LRRC3B: variants seen among roughly 807,000 people sequenced by gnomAD.
The protein encoded by LRRC3B is leucine rich repeat containing 3B.
In LRRC3B, 2 loss-of-function variants were observed where a neutral mutation model predicts 12.8. The observed-to-expected ratio is 0.16, with a 90% CI of 0.06 to 0.49. LRRC3B has a LOEUF of 0.49. LRRC3B is among the 20% of genes least tolerant of loss of function. LRRC3B has a pLI of 0.96. For missense variants in LRRC3B, 189 were observed against 319.4 expected (o/e 0.59, Z 3.11); for synonymous variants, 132 against 122.0 (o/e 1.08, Z -0.54).
chr3:26,637,159 G>A (rs914227623), intron 1 of LRRC3B, among the ~76,000 whole-genome samples: 1 of 151,510 alleles, frequency 6.6e-6, no homozygotes, highest in African/African-American at 2.4e-5. Flanking sequence ...ACCATGCCCA[G>A]CTAATTTTTT....
chr3:26,671,558 A>AT (rs1187345847), intron 1 of LRRC3B, among the ~76,000 whole-genome samples: 1 of 148,980 alleles, frequency 6.7e-6, no homozygotes, highest in Non-Finnish European at 1.5e-5. Context: ...AGCCCAGCTA[A>AT]TTTTTTTGTA....
intron 1 of LRRC3B, among the ~76,000 whole-genome samples, chr3:26,642,484 C>T (rs1315167359): frequency 6.6e-6 from 1 of 152,178 alleles, no homozygotes; most frequent in African/African-American, 2.4e-5. Context: ...AGCCAGAGAA[C>T]TTCATAACCC....
intron 1 of LRRC3B, among the ~76,000 whole-genome samples, chr3:26,695,095 C>T (rs917202720): frequency 3.9e-5 from 6 of 152,094 alleles, no homozygotes; most frequent in Non-Finnish European, 7.4e-5. Context: ...TGGGATTACA[C>T]ATTCAAATTT....
Position 26,650,826 on chromosome 3 carries a change from A to T in LRRC3B, c.-161+27589A>T, listed in dbSNP as rs190383185. Among the ~76,000 whole-genome samples, 17 of 152,270 alleles carry T rather than the reference A, an allele frequency of 1.1e-4. No individual in the cohort carries two copies. In the East Asian group the frequency reaches 3.3e-3, roughly 29 times the overall value. ...ACACAAGACTTCCGTTATCTACTCG[A>T]CGGTAAGTGCATAACAGTTCCAGAT... On this transcript the variant is annotated intron_variant, in intron 1 of 1. Transcript: ENST00000396641.
chr3:26,695,256 G>A (rs771250703), intron 1 of LRRC3B, among the ~76,000 whole-genome samples: 38 of 152,164 alleles, frequency 2.5e-4, no homozygotes, highest in Non-Finnish European at 4.7e-4. Context: ...AGCTGGGCAT[G>A]GTGGCTCACG....
At chr3:26,653,841 C>T (rs1453745407) in intron 1 of LRRC3B, among the ~76,000 whole-genome samples, 3 of 152,240 alleles carry the variant, frequency 2.0e-5, no homozygotes, top group South Asian at 2.1e-4. Context: ...ACAAAGATAC[C>T]TTATTGAAAA....
chr3:26,657,935 G>A (rs1001244150), intron 1 of LRRC3B, among the ~76,000 whole-genome samples: 7 of 152,178 alleles, frequency 4.6e-5, no homozygotes, highest in Admixed American at 2.0e-4. Context: ...AGAGATATAA[G>A]AGAAAATCAG....
intron 1 of LRRC3B, among the ~76,000 whole-genome samples, chr3:26,696,012 C>A (rs546167386): frequency 7.9e-5 from 12 of 152,284 alleles, no homozygotes; most frequent in African/African-American, 2.9e-4. Context: ...TCAGCTGGCT[C>A]GTTCAATGAT....
Position 26,671,350 on chromosome 3 carries a change from G to GTA in LRRC3B, c.-160-38140_-160-38139dup, listed in dbSNP as rs1161960755. ...TATAAATGTGTGTGTATATATGTGTGTATATATATATATATATATATATAG... is the reference window on the plus strand; with the variant it reads ...TATAAATGTGTGTGTATATATGTGTGTATATATATATATATATATATATATAG... On this transcript the variant is annotated intron_variant, in intron 1 of 1. Transcript: ENST00000396641. Among the ~76,000 whole-genome samples the GTA allele has an allele frequency of 8.7e-3, 491 of 56,656 alleles. 19 individuals are homozygous for GTA. The highest frequency in any genetic ancestry group is 0.032 in the Middle Eastern group (2 of 62). The allele number at this position is 56,656 out of a possible 152,430, so 37.2% of individuals were successfully genotyped here.
Position 26,644,556 on chromosome 3 carries a change from CA to C in LRRC3B, c.-161+21320del, listed in dbSNP as rs1469770243. Reference sequence around the variant, plus strand: ...ACGAAAATGTCAGTGTCATAAAGGACAGGGTAAAAAACCATGCTGGAGAACA... The same window carrying C: ...ACGAAAATGTCAGTGTCATAAAGGACGGGTAAAAAACCATGCTGGAGAACA... On this transcript the variant is annotated intron_variant, in intron 1 of 1. Coordinates refer to ENST00000396641, the Ensembl canonical transcript of LRRC3B. Among the ~76,000 whole-genome samples, 16 of 152,144 alleles carry C rather than the reference CA, an allele frequency of 1.1e-4. No homozygotes were observed. The East Asian group carries it at 2.5e-3, about 24-fold the overall frequency.
At chr3:26,705,190 T>C (rs1003201256) in intron 1 of LRRC3B, among the ~76,000 whole-genome samples, 6 of 152,198 alleles carry the variant, frequency 3.9e-5, no homozygotes, top group African/African-American at 1.2e-4. Flanking sequence ...CTGGTTTTTT[T>C]CTTCTGGAAA....
At chr3:26,639,413 A>T (rs1215229125) in intron 1 of LRRC3B, among the ~76,000 whole-genome samples, 2 of 152,106 alleles carry the variant, frequency 1.3e-5, no homozygotes, top group East Asian at 3.8e-4. Context: ...AGTTGAAAAA[A>T]ACAGGTTCAT....
At chr3:26,640,042 A>G (rs184031184) in intron 1 of LRRC3B, among the ~76,000 whole-genome samples, 107 of 152,280 alleles carry the variant, frequency 7.0e-4, no homozygotes, top group African/African-American at 2.5e-3. Context: ...TCCTTGCTCC[A>G]AGCCCCACAA....
chr3:26,641,471 T>C (rs933348357), intron 1 of LRRC3B, among the ~76,000 whole-genome samples: 2 of 152,200 alleles, frequency 1.3e-5, no homozygotes, highest in Non-Finnish European at 2.9e-5. Flanking sequence ...GATGACTTTT[T>C]TCATGGCCAA....
At chr3:26,671,362 A>G (rs1490482617) in intron 1 of LRRC3B, among the ~76,000 whole-genome samples, 2 of 77,950 alleles carry the variant, frequency 2.6e-5, no homozygotes, top group South Asian at 5.3e-4. Context: ...ATATATATAT[A>G]TATATATATA....
chr3:26,666,374 C>T (rs894396409), intron 1 of LRRC3B, among the ~76,000 whole-genome samples: 6 of 151,820 alleles, frequency 4.0e-5, no homozygotes, highest in Non-Finnish European at 7.4e-5. Context: ...AGAAGAAGTA[C>T]ATGTGAAAGA....
intron 1 of LRRC3B, among the ~76,000 whole-genome samples, chr3:26,662,917 G>A (rs1699523070): frequency 6.6e-6 from 1 of 152,092 alleles, no homozygotes; most frequent in Admixed American, 6.6e-5. Context: ...GTCAAATGGA[G>A]GATGAGGAAG....
chr3:26,650,946 G>A (rs150055915), intron 1 of LRRC3B, among the ~76,000 whole-genome samples: 120 of 152,274 alleles, frequency 7.9e-4, no homozygotes, highest in African/African-American at 2.8e-3. Context: ...AACGTGGAGA[G>A]CACAGAGATT....
intron 1 of LRRC3B, among the ~76,000 whole-genome samples, chr3:26,634,801 C>A (rs1698831261): frequency 6.6e-6 from 1 of 152,136 alleles, no homozygotes; most frequent in Admixed American, 6.5e-5. Context: ...AGGGGCTGAG[C>A]TTGGTGGATG....
Sources: gnomAD v4.1 joint callset for allele counts (sites outside exome capture counted in the v4.1 genomes callset) on GRCh38, gnomAD v4.1.1 for gene constraint, MANE v1.5 for transcripts, NCBI Gene and HGNC (gene_info 2026-07-23, HGNC 2026-07-21) for gene names.